The following ERLIN2 variants were observed in gnomAD, a reference collection of about 807,000 sequenced individuals.
ERLIN2 encodes the protein ER lipid raft associated 2.
ERLIN2 carries 22 observed loss-of-function variants against 41.5 expected under a neutral mutation model. The ratio of observed to expected loss-of-function variants is 0.53; its 90% CI spans 0.38 to 0.76. The LOEUF is 0.76. Ranked by LOEUF, ERLIN2 falls within the 30% of genes least tolerant of loss-of-function variation. ERLIN2 has a pLI of 0.00. For missense variants in ERLIN2, 247 were observed against 414.3 expected (o/e 0.60, Z 3.51); for synonymous variants, 149 against 150.9 (o/e 0.99, Z 0.09).
intron 4 of ERLIN2, among the ~76,000 whole-genome samples, chr8:37,743,739 C>T (rs1802936774): frequency 6.6e-6 from 1 of 151,722 alleles, no homozygotes; most frequent in African/African-American, 2.4e-5. Context: ...ATTCTTAAGA[C>T]AGTGCTCACC....
intron 6 of ERLIN2, 39 bp downstream of exon 6, chr8:37,744,735 G>T: frequency 1.2e-6 from 2 of 1,613,792 alleles, no homozygotes; most frequent in South Asian, 2.2e-5. Flanking sequence ...GCTTAAGCAG[G>T]GTTCCTGGAA....
At chr8:37,743,101 C>T (rs1178374884) in intron 4 of ERLIN2, among the ~76,000 whole-genome samples, 1 of 152,184 alleles carries the variant, frequency 6.6e-6, no homozygotes, top group Non-Finnish European at 1.5e-5. Flanking sequence ...AGATCGCAGG[C>T]CTGATCTCTT....
rs751083873 is a variant in ERLIN2 at position 37,744,558 on chromosome 8, C to T, written c.299-13C>T. ...TGCCTTTTCTTATGCCAAGCCCTCT[C>T]CTTCCCTCTCAGTGTATGATATAGT... On this transcript the variant is annotated splice_polypyrimidine_tract_variant and intron_variant, in intron 5 of 11. Coordinates refer to ENST00000519638, the MANE Select transcript of ERLIN2 (RefSeq NM_007175.8). 3.1e-6 allele frequency: 5 copies of T among 1,614,026 alleles called. No individual in the cohort carries two copies. Among genetic ancestry groups the T allele is most frequent in the African/African-American group, 2.7e-5 (2 of 74,914 alleles).
At chr8:37,753,329 CAG>C in intron 10 of ERLIN2, 119 bp from the exon 11 acceptor site, 1 of 769,828 alleles carries the variant, frequency 1.3e-6, no homozygotes, top group Admixed American at 2.0e-5. Flanking sequence ...CCCCAAGTCA[CAG>C]AGGCAATCAG....
chr8:37,747,914 A>T (rs781775109), intron 6 of ERLIN2: 17 of 1,614,084 alleles, frequency 1.1e-5, no homozygotes, highest in Non-Finnish European at 1.4e-5. Flanking sequence ...CACAAACAGT[A>T]GTACACATGG....
intron 6 of ERLIN2, chr8:37,745,621 A>C (rs970160816): frequency 6.2e-7 from 1 of 1,614,030 alleles, no homozygotes; most frequent in Non-Finnish European, 8.5e-7. Context: ...CCTGAGCAAG[A>C]ACATTTTTCA....
intron 2 of ERLIN2, among the ~76,000 whole-genome samples, chr8:37,739,178 C>G (rs896953398): frequency 3.3e-5 from 5 of 152,198 alleles, no homozygotes; most frequent in Non-Finnish European, 7.3e-5. Context: ...TTGCTAACAG[C>G]AAGTTCTAAA....
intron 9 of ERLIN2, among the ~76,000 whole-genome samples, chr8:37,750,998 C>T (rs536117463): frequency 2.0e-5 from 3 of 152,310 alleles, no homozygotes; most frequent in South Asian, 2.1e-4. Context: ...GGATTACAGA[C>T]GTGAGCCACC....
At chr8:37,745,034 C>A in intron 6 of ERLIN2, 1 of 590,494 alleles carries the variant, frequency 1.7e-6, no homozygotes, top group Non-Finnish European at 3.0e-6. Context: ...TCTAGAAGAA[C>A]CTTAGAGATT....
At position 37,747,294 on chromosome 8, in the gene ERLIN2, T is replaced by C. The variant is rs767481509; in HGVS notation, c.425-2265T>C. ...CAAGAAGTTACTTTGTCTCCTGATC[T>C]AAATGCTTGCCTCCAGTCTAGGGCT... On this transcript the variant is annotated intron_variant, in intron 6 of 11. Transcript: ENST00000519638. 10 of 861,070 alleles carry C rather than the reference T, an allele frequency of 1.2e-5. No individual in the cohort carries two copies. In the African/African-American group the frequency reaches 1.3e-4, roughly 11 times the overall value. The allele number at this position is 861,070 out of a possible 1,614,324, so 53.3% of individuals were successfully genotyped here. A position where few individuals can be genotyped will look rare whatever the true frequency, so the allele number is the denominator to read the frequency against.
intron 6 of ERLIN2, chr8:37,746,335 A>G (rs961482748): frequency 5.5e-5 from 54 of 985,272 alleles, no homozygotes; most frequent in Non-Finnish European, 6.4e-5. Flanking sequence ...AGTATTATCT[A>G]ATACTTTGAA....
chr8:37,747,903 G>A (rs755355695), intron 6 of ERLIN2: 6 of 1,613,872 alleles, frequency 3.7e-6, no homozygotes, highest in East Asian at 2.2e-5. Flanking sequence ...CCACCTGGCC[G>A]CACAAACAGT....
At chr8:37,753,868 T>C (rs752607083) in intron 11 of ERLIN2, 47 bp from the exon 12 acceptor site, 1 of 1,549,776 alleles carries the variant, frequency 6.5e-7, no homozygotes, top group South Asian at 1.1e-5. Context: ...CCTCCTTCTC[T>C]AATATGGTTC....
At chr8:37,746,334 T>G (rs1803047821) in intron 6 of ERLIN2, 1 of 985,448 alleles carries the variant, frequency 1.0e-6, no homozygotes, top group Non-Finnish European at 1.2e-6. Context: ...AAGTATTATC[T>G]AATACTTTGA....
In ERLIN2 at chr8:37,754,881, G is replaced by A. The variant is rs931193542; in HGVS notation, c.*766G>A. 1.3e-5 allele frequency: 2 copies of A among 152,244 alleles called. No homozygotes were observed. The highest frequency in any genetic ancestry group is 4.8e-5 in the African/African-American group (2 of 41,288). The allele number at this position is 152,244 out of a possible 1,614,324, so 9.4% of individuals were successfully genotyped here. A position where few individuals can be genotyped will look rare whatever the true frequency, so the allele number is the denominator to read the frequency against. ...AAATTCTGTTCATTGGTTCCACTCA[G>A]CATCAAGAAGACAGGGACAAACAAC... On this transcript the variant is annotated 3_prime_UTR_variant, in exon 12 of 12. Coordinates refer to ENST00000519638, the MANE Select transcript of ERLIN2 (RefSeq NM_007175.8).
intron 4 of ERLIN2, 118 bp from the exon 5 acceptor site, chr8:37,744,237 T>G: frequency 1.1e-6 from 1 of 903,236 alleles, no homozygotes; most frequent in Non-Finnish European, 1.9e-6. Flanking sequence ...CCTTCCAACT[T>G]CCCGTGAACT....
In ERLIN2 at chr8:37,749,587, T is replaced by C. The variant is rs1352738440; in HGVS notation, c.453T>C (p.Ala151=). Residue 151 remains alanine, a synonymous_variant, in exon 7 of 12, where the codon GCT becomes GCC. Coordinates refer to ENST00000519638, the MANE Select transcript of ERLIN2 (RefSeq NM_007175.8). ...AGATTGATGAAAATCTCAAACTGGC[T>C]TTGCAACAGGACCTGACCTCCATGG... The part of the protein sequence containing the change: ...FDQIDENLKL[A]LQQDLTSMAP... 12 of 1,613,870 alleles carry C rather than the reference T, an allele frequency of 7.4e-6. No homozygotes were observed. The Admixed American group carries it at 2.0e-4, about 27-fold the overall frequency.
At chr8:37,738,760 C>A (rs933905407) in intron 2 of ERLIN2, among the ~76,000 whole-genome samples, 1 of 152,006 alleles carries the variant, frequency 6.6e-6, no homozygotes, top group African/African-American at 2.4e-5. Context: ...CAGCACGTGC[C>A]TGTAATCCCA....
intron 6 of ERLIN2, chr8:37,748,055 G>A (rs749497162): frequency 4.7e-6 from 7 of 1,484,120 alleles, no homozygotes; most frequent in South Asian, 1.1e-5. Flanking sequence ...GGGTCGCGCC[G>A]AAATGACGTC....
Sources: gnomAD v4.1 joint callset for allele counts (sites outside exome capture counted in the v4.1 genomes callset) on GRCh38, gnomAD v4.1.1 for gene constraint, MANE v1.5 for transcripts, NCBI Gene and HGNC (gene_info 2026-07-23, HGNC 2026-07-21) for gene names.